RIMS1: variants seen among roughly 807,000 people sequenced by gnomAD.
The protein encoded by RIMS1 is regulating synaptic membrane exocytosis protein 1.
In RIMS1, 83 loss-of-function variants were observed where a neutral mutation model predicts 214.1. That is an observed-to-expected ratio of 0.39 (90% confidence interval 0.32 to 0.47). The LOEUF (loss-of-function observed/expected upper bound fraction) is 0.47, where lower values mean the gene tolerates loss of function less well. Ranked by LOEUF, RIMS1 falls within the 20% of genes least tolerant of loss-of-function variation. RIMS1 has a pLI of 0.99. For missense variants in RIMS1, 2,050 were observed against 2,161.8 expected (o/e 0.95, Z 1.03); for synonymous variants, 793 against 786.8 (o/e 1.01, Z -0.13).
chr6:72,119,747 G>T (rs548136056), intron 4 of RIMS1, among the ~76,000 whole-genome samples: 1 of 151,686 alleles, frequency 6.6e-6, no homozygotes, highest in African/African-American at 2.4e-5. Context: ...TTGGTGTGCT[G>T]CACCCATTAA....
At chr6:72,354,231 A>C (rs1159516863) in intron 29 of RIMS1, among the ~76,000 whole-genome samples, 1 of 138,106 alleles carries the variant, frequency 7.2e-6, no homozygotes, top group Non-Finnish European at 1.7e-5. Flanking sequence ...ATAAATAAAT[A>C]AACAAACAAA....
intron 2 of RIMS1, among the ~76,000 whole-genome samples, chr6:71,973,967 G>A (rs533078729): frequency 6.6e-6 from 1 of 151,706 alleles, no homozygotes; most frequent in Non-Finnish European, 1.5e-5. Flanking sequence ...CTAGCTCAGT[G>A]GAGTCATGCT....
At chr6:72,282,150 C>A (rs2090427304) in intron 23 of RIMS1, among the ~76,000 whole-genome samples, 1 of 152,152 alleles carries the variant, frequency 6.6e-6, no homozygotes, top group African/African-American at 2.4e-5. Context: ...AGCATTTGAT[C>A]TTCCAGTCAG....
At chr6:72,053,170 G>A (rs1042319797) in intron 2 of RIMS1, among the ~76,000 whole-genome samples, 1 of 152,134 alleles carries the variant, frequency 6.6e-6, no homozygotes, top group Non-Finnish European at 1.5e-5. Context: ...AGTGTCCCCA[G>A]TCCCTATGTT....
intron 2 of RIMS1, among the ~76,000 whole-genome samples, chr6:72,047,460 G>T (rs1335605122): frequency 6.6e-6 from 1 of 152,090 alleles, no homozygotes; most frequent in Admixed American, 6.6e-5. Flanking sequence ...ATTTTCACCA[G>T]CCTTAAGCAG....
intron 29 of RIMS1, among the ~76,000 whole-genome samples, chr6:72,365,125 G>A (rs1226767844): frequency 6.6e-6 from 1 of 152,236 alleles, no homozygotes; most frequent in Non-Finnish European, 1.5e-5. Flanking sequence ...GGGGCTCTAA[G>A]GCACAAAAGT....
intron 28 of RIMS1, among the ~76,000 whole-genome samples, chr6:72,325,426 A>G (rs1217831874): frequency 6.6e-6 from 1 of 151,240 alleles, no homozygotes; most frequent in Non-Finnish European, 1.5e-5. Flanking sequence ...TATTCAATCC[A>G]CTAAAAGAAC....
At chr6:71,918,638 G>T (rs1291071921) in intron 1 of RIMS1, among the ~76,000 whole-genome samples, 1 of 152,158 alleles carries the variant, frequency 6.6e-6, no homozygotes, top group East Asian at 1.9e-4. Context: ...ATGTGCTGTT[G>T]AGAACAGGCC....
intron 2 of RIMS1, among the ~76,000 whole-genome samples, chr6:71,983,167 C>T (rs1250797616): frequency 2.2e-5 from 3 of 133,484 alleles, no homozygotes; most frequent in African/African-American, 8.4e-5. Context: ...TTATACCTGC[C>T]TTCCTAGAGC....
chr6:72,233,944 G>A, intron 7 of RIMS1, 104 bp downstream of exon 7: 1 of 713,244 alleles, frequency 1.4e-6, no homozygotes, highest in Non-Finnish European at 2.4e-6. Flanking sequence ...TTTGGTAAGG[G>A]CAAATATTGA....
At chr6:72,382,273 A>T (rs1174074490) in intron 29 of RIMS1, among the ~76,000 whole-genome samples, 1 of 152,222 alleles carries the variant, frequency 6.6e-6, no homozygotes, top group East Asian at 1.9e-4. Flanking sequence ...GGCTTAGGAT[A>T]AAATATATTC....
rs972253336 is a variant in RIMS1, at chr6:72,258,193, A to G, written c.2839A>G (p.Thr947Ala). ...AACTGTGCCAGAACAGCAAAGAACA[A>G]CTCATCACCGCTCACGTTCAGTATC... ...TLTVPEQQRTTHHRSRSVSPH... is the reference protein window; with the variant it reads ...TLTVPEQQRTAHHRSRSVSPH... Residue 947 changes from threonine (T) to alanine (A), a missense_variant, in exon 17 of 34, where the codon ACT becomes GCT. Coordinates refer to ENST00000521978, the MANE Select transcript of RIMS1 (RefSeq NM_014989.7). 7 of 1,613,234 alleles carry G rather than the reference A, an allele frequency of 4.3e-6. No individual in the cohort carries two copies. In the African/African-American group the frequency reaches 6.7e-5, roughly 15 times the overall value.
chr6:72,157,922 TTA>T (rs1204998469), intron 4 of RIMS1, among the ~76,000 whole-genome samples: 2 of 140,632 alleles, frequency 1.4e-5, no homozygotes, highest in African/African-American at 4.9e-5. Context: ...TCATAAAATC[TTA>T]TGTTATTAAT....
intron 6 of RIMS1, among the ~76,000 whole-genome samples, chr6:72,201,799 G>T (rs2052032326): frequency 6.6e-6 from 1 of 152,034 alleles, no homozygotes; most frequent in Admixed American, 6.6e-5. Context: ...CCTTGTTTTG[G>T]TTATTAGATC....
At chr6:72,364,271 A>G (rs759811684) in intron 29 of RIMS1, among the ~76,000 whole-genome samples, 1 of 152,142 alleles carries the variant, frequency 6.6e-6, no homozygotes, top group Non-Finnish European at 1.5e-5. Context: ...CTGACACATT[A>G]TAACGAGGAA....
chr6:72,381,794 A>G lies in RIMS1; in HGVS notation c.4367-8804A>G, dbSNP rs138428068. ...GCAATACCAGGTTTTTAATGAAAGA[A>G]TAGCTATTAGCCATGGAAGAGCTGA... On this transcript the variant is annotated intron_variant, in intron 29 of 33. Coordinates refer to ENST00000521978, the MANE Select transcript of RIMS1 (RefSeq NM_014989.7). 3.5e-3 allele frequency among the ~76,000 whole-genome samples: 537 copies of G among 152,360 alleles called. 4 individuals carry two copies. Among genetic ancestry groups the G allele is most frequent in the African/African-American group, 0.013 (525 of 41,594 alleles).
At chr6:72,342,181 G>T (rs12202907) in intron 29 of RIMS1, among the ~76,000 whole-genome samples, 42,341 of 151,674 alleles carry the variant, frequency 0.28, 7,176 homozygotes, top group South Asian at 0.4. Context: ...TTCCTAAATA[G>T]AGCTCTCTGA....
intron 4 of RIMS1, among the ~76,000 whole-genome samples, chr6:72,152,049 C>T (rs1016571517): frequency 6.6e-6 from 1 of 152,128 alleles, no homozygotes; most frequent in East Asian, 1.9e-4. Context: ...ATGAGAATGG[C>T]ACCAAGCATT....
chr6:71,919,959 A>G (rs2150739406), intron 1 of RIMS1, among the ~76,000 whole-genome samples: 1 of 152,312 alleles, frequency 6.6e-6, no homozygotes, highest in African/African-American at 2.4e-5. Flanking sequence ...TTCAACTCTG[A>G]CTATCATGAC....
Sources: allele counts gnomAD v4.1 joint callset (sites outside exome capture counted in the v4.1 genomes callset), GRCh38; gene constraint gnomAD v4.1.1; transcripts MANE v1.5; gene names NCBI Gene and HGNC (gene_info 2026-07-23, HGNC 2026-07-21).